The following RNF133 variants were observed in gnomAD, a reference collection of about 807,000 sequenced individuals.
RNF133 encodes the protein E3 ubiquitin-protein ligase RNF133.
For synonymous variants in RNF133, 153 were observed against 152.1 expected, an observed-to-expected ratio of 1.01 and a Z score of -0.04; for missense variants, 469 against 450.5, an observed-to-expected ratio of 1.04 and a Z score of -0.37.
Position 122,698,553 on chromosome 7 carries a change from C to T in RNF133, c.366G>A (p.Lys122=). 6.2e-7 allele frequency: 1 copy of T among 1,614,074 alleles called. No individual in the cohort carries two copies. The highest frequency in any genetic ancestry group is 8.5e-7 in the Non-Finnish European group (1 of 1,179,944). ...TATAGATGATCACTCCACTGGCTCCCTTCTCAGTTGCCACTTTAATTTTCT... is the reference window on the plus strand; with the variant it reads ...TATAGATGATCACTCCACTGGCTCCTTTCTCAGTTGCCACTTTAATTTTCT... The part of the protein sequence containing the change: ...FTQKIKVATE[K]GASGVIIYNV... The change falls in exon 1 of 1, where the codon AAG becomes AAA. Residue 122 remains lysine, a synonymous_variant. Coordinates refer to ENST00000340112, the MANE Select transcript of RNF133 (RefSeq NM_139175.2).
In RNF133 at chr7:122,698,582, T is replaced by G. The variant is rs1564096297; in HGVS notation, c.337A>C (p.Thr113Pro). The G allele has an allele frequency of 2.5e-6, 4 of 1,613,986 alleles. No individual in the cohort carries two copies. The highest frequency in any genetic ancestry group is 3.4e-6 in the Non-Finnish European group (4 of 1,179,960). Residue 113 changes from threonine (T) to proline (P), a missense_variant, in exon 1 of 1, where the codon ACA becomes CCA. By Grantham distance (38) the Thr-to-Pro change is conservative. Coordinates refer to ENST00000340112, the MANE Select transcript of RNF133 (RefSeq NM_139175.2). ...ALIERGGCTF[T>P]QKIKVATEKG... ...TCAGTTGCCACTTTAATTTTCTGTG[T>G]GAAGGTACAACCTCCCCGTTCAATA...
At position 122,698,512 on chromosome 7, in the gene RNF133, C is replaced by A; in HGVS notation, c.407G>T (p.Gly136Val). Reference protein sequence around the residue: ...GVIIYNVPGTGNQVFPMFHQA... With the variant: ...GVIIYNVPGTVNQVFPMFHQA... ...ATGAAACATGGGGAACACCTGGTTG[C>A]CAGTACCTGGAACGTTATAGATGAT... The change falls in exon 1 of 1, where the codon GGC (glycine) becomes GTC (valine). Residue 136 changes from glycine (G) to valine (V), a missense_variant. Physicochemically the swap from Gly to Val is moderately radical, Grantham distance 109. Coordinates refer to ENST00000340112, the MANE Select transcript of RNF133 (RefSeq NM_139175.2). 1 of 1,613,980 alleles carries A rather than the reference C, an allele frequency of 6.2e-7. No individual in the cohort carries two copies. Among genetic ancestry groups the A allele is most frequent in the Non-Finnish European group, 8.5e-7 (1 of 1,179,932 alleles).
Position 122,699,074 on chromosome 7 carries a change from G to C in RNF133, c.-156C>G. ...TAAGAAATTCTTAAAGATGGCTTAT[G>C]AGTTTCAGATGTCTTACTAGAGAGA... On this transcript the variant is annotated 5_prime_UTR_variant, in exon 1 of 1. Coordinates refer to ENST00000340112, the MANE Select transcript of RNF133 (RefSeq NM_139175.2). The C allele has an allele frequency of 1.7e-6, 1 of 599,698 alleles. No individual in the cohort carries two copies. Among genetic ancestry groups the C allele is most frequent in the Non-Finnish European group, 2.9e-6 (1 of 340,010 alleles). The allele number at this position is 599,698 out of a possible 1,614,324, so 37.1% of individuals were successfully genotyped here.
rs763955337 is a variant in RNF133 at position 122,697,764 on chromosome 7, T to C, written c.*24A>G. On this transcript the variant is annotated 3_prime_UTR_variant, in exon 1 of 1. Transcript: ENST00000340112. ...GACCTGATTTCACATACAGGTTTAA[T>C]ACACTTCCTCAAAAGTCATGCCATC... The C allele has an allele frequency of 1.5e-5, 23 of 1,536,930 alleles. No individual in the cohort carries two copies. Among genetic ancestry groups the C allele is most frequent in the East Asian group, 4.5e-5 (2 of 44,550 alleles).
rs1333586204 is a variant in RNF133, at chr7:122,698,248, T to C, written c.671A>G (p.Gln224Arg). The C allele has an allele frequency of 1.9e-6, 3 of 1,613,860 alleles. No homozygotes were observed. The East Asian group carries it at 6.7e-5, about 36-fold the overall frequency. ...GTTCTGAAGATCTGTTGTTAATCGC[T>C]GCCATCTCCGGTTCTGAATCCTTGC... ...CLARIQNRRW[Q>R]RLTTDLQNTF... Residue 224 changes from glutamine to arginine, a missense_variant, in exon 1 of 1, where the codon CAG (glutamine) becomes CGG (arginine). Transcript: ENST00000340112.
rs758741137 is a variant in RNF133, at chr7:122,698,160, C to A, written c.759G>T (p.Gly253=). The A allele has an allele frequency of 6.8e-6, 11 of 1,613,758 alleles. No homozygotes were observed. The East Asian group carries it at 2.0e-4, about 29-fold the overall frequency. ...KEGDEEINPN[G]DSCVICFERY... Reference sequence around the variant, plus strand: ...GTTCAAAGCAAATTACGCAGCTATCCCCATTTGGATTTATTTCTTCATCCC... The same window carrying A: ...GTTCAAAGCAAATTACGCAGCTATCACCATTTGGATTTATTTCTTCATCCC... Residue 253 remains glycine (G), a synonymous_variant, in exon 1 of 1, where the codon GGG becomes GGT. Coordinates refer to ENST00000340112, the MANE Select transcript of RNF133 (RefSeq NM_139175.2).
rs775950251 is a variant in RNF133 at position 122,698,831 on chromosome 7, TCTGA to T, written c.84_87del (p.Ser28ArgfsTer14). On this transcript the variant is annotated frameshift_variant, in exon 1 of 1. Transcript: ENST00000340112. LOFTEE classifies it low-confidence loss of function (END_TRUNC). ...CAAACAACACTTGCTCTGCAACAGT[TCTGA>T]CTAACAAGCCAAAGAACACTGAACT... 18 of 1,613,602 alleles carry T rather than the reference TCTGA, an allele frequency of 1.1e-5. No homozygotes were observed. In the South Asian group the frequency reaches 1.2e-4, roughly 11 times the overall value.
In RNF133 at chr7:122,698,906, T is replaced by C. The variant is rs778412885; in HGVS notation, c.13A>G (p.Lys5Glu). The change falls in exon 1 of 1, where the codon AAG (lysine) becomes GAG (glutamate). Residue 5 changes from lysine (K) to glutamate (E), a missense_variant. Physicochemically the swap from Lys to Glu is moderately conservative, Grantham distance 56 (BLOSUM62 1). Transcript: ENST00000340112. Reference protein sequence around the residue: MHLLKVGTWRNNTAS... With the variant: MHLLEVGTWRNNTAS... ...GTGTTGTTTCTCCAAGTGCCAACCT[T>C]GAGTAGATGCATCTCTCTCTTCTCC... 1 of 1,583,696 alleles carries C rather than the reference T, an allele frequency of 6.3e-7. No homozygotes were observed. The highest frequency in any genetic ancestry group is 1.2e-5 in the South Asian group (1 of 84,742).
Position 122,698,568 on chromosome 7 carries a change from T to C in RNF133, c.351A>G (p.Lys117=), listed in dbSNP as rs2085513007. Residue 117 remains lysine, a synonymous_variant, in exon 1 of 1, where the codon AAA becomes AAG. Transcript: ENST00000340112. ...RGGCTFTQKI[K]VATEKGASGV... ...CACTGGCTCCCTTCTCAGTTGCCAC[T>C]TTAATTTTCTGTGTGAAGGTACAAC... 34 of 1,613,978 alleles carry C rather than the reference T, an allele frequency of 2.1e-5. No individual in the cohort carries two copies. The highest frequency in any genetic ancestry group is 2.9e-5 in the Non-Finnish European group (34 of 1,179,984).
Position 122,698,726 on chromosome 7 carries a change from T to C in RNF133, c.193A>G (p.Ser65Gly), listed in dbSNP as rs1418744862. The C allele has an allele frequency of 6.2e-7, 1 of 1,613,542 alleles. No homozygotes were observed. The highest frequency in any genetic ancestry group is 1.3e-5 in the African/African-American group (1 of 75,032). The change falls in exon 1 of 1, where the codon AGC becomes GGC. Residue 65 changes from serine to glycine, a missense_variant. Transcript: ENST00000340112. ...CCTGCCACTCTCTTCAAAGTGGAGC[T>C]TCTTCCAAAGACTCCAGTCTCTCCC... Reference protein sequence around the residue: ...ELGETGVFGRSSTLKRVAGVI... With the variant: ...ELGETGVFGRGSTLKRVAGVI...
chr7:122,698,004 C>T lies in RNF133; in HGVS notation c.915G>A (p.Gly305=). 1 of 1,613,392 alleles carries T rather than the reference C, an allele frequency of 6.2e-7. No individual in the cohort carries two copies. The highest frequency in any genetic ancestry group is 1.1e-5 in the South Asian group (1 of 90,974). ...TTCCATTTTCAACAACCACTTGAAT[C>T]CCCAAAACTTTAAGAATATCACATT... The part of the protein sequence containing the change: ...ICKCDILKVL[G]IQVVVENGTE... The change falls in exon 1 of 1, where the codon GGG becomes GGA. Residue 305 remains glycine, a synonymous_variant. Coordinates refer to ENST00000340112, the MANE Select transcript of RNF133 (RefSeq NM_139175.2).
chr7:122,697,743 T>C lies in RNF133; in HGVS notation c.*45A>G. 7.0e-7 allele frequency: 1 copy of C among 1,434,766 alleles called. No homozygotes were observed. Among genetic ancestry groups the C allele is most frequent in the East Asian group, 2.3e-5 (1 of 43,658 alleles). 88.9% of individuals were successfully genotyped at this position (1,434,766 alleles called of 1,614,324 possible). A position where few individuals can be genotyped will look rare whatever the true frequency, so the allele number is the denominator to read the frequency against. ...CAAACTGCTTGTCAGTATTAGGACCTGATTTCACATACAGGTTTAATACAC... is the reference window on the plus strand; with the variant it reads ...CAAACTGCTTGTCAGTATTAGGACCCGATTTCACATACAGGTTTAATACAC... On this transcript the variant is annotated 3_prime_UTR_variant, in exon 1 of 1. Coordinates refer to ENST00000340112, the MANE Select transcript of RNF133 (RefSeq NM_139175.2).
Position 122,698,538 on chromosome 7 carries a change from C to T in RNF133, c.381G>A (p.Val127=), listed in dbSNP as rs1165464922. The change falls in exon 1 of 1, where the codon GTG becomes GTA. Residue 127 remains valine (V), a synonymous_variant. Coordinates refer to ENST00000340112, the MANE Select transcript of RNF133 (RefSeq NM_139175.2). ...CAGTACCTGGAACGTTATAGATGAT[C>T]ACTCCACTGGCTCCCTTCTCAGTTG... is the stretch of plus-strand genomic sequence containing the variant. ...KVATEKGASG[V]IIYNVPGTGN... is the part of the protein sequence containing the mutation. 4 of 1,613,932 alleles carry T rather than the reference C, an allele frequency of 2.5e-6. No individual in the cohort carries two copies. The African/African-American group carries it at 5.3e-5, about 22-fold the overall frequency.
At position 122,699,010 on chromosome 7, in the gene RNF133, G is replaced by A. The variant is rs1588514936; in HGVS notation, c.-92C>T. On this transcript the variant is annotated 5_prime_UTR_variant, in exon 1 of 1. Transcript: ENST00000340112. ...AATAACGAAGAGAAAAAAATCTTCA[G>A]GATACAAACAAGATCCACTGTCTTC... is the stretch of plus-strand genomic sequence containing the variant. The A allele has an allele frequency of 1.1e-6, 1 of 915,480 alleles. No homozygotes were observed. Among genetic ancestry groups the A allele is most frequent in the East Asian group, 2.6e-5 (1 of 38,736 alleles). 56.7% of individuals were successfully genotyped at this position (915,480 alleles called of 1,614,324 possible).
Position 122,698,481 on chromosome 7 carries a change from T to C in RNF133, c.438A>G (p.Ala146=), listed in dbSNP as rs377007290. ...GNQVFPMFHQ[A]FEDVVVVMIG... The stretch of plus-strand genomic sequence containing the variant: ...TCATAACCACAACGACATCTTCAAA[T>C]GCCTGATGAAACATGGGGAACACCT... Residue 146 remains alanine, a synonymous_variant, in exon 1 of 1, where the codon GCA becomes GCG. Coordinates refer to ENST00000340112, the MANE Select transcript of RNF133 (RefSeq NM_139175.2). The C allele has an allele frequency of 7.4e-6, 12 of 1,613,796 alleles. No individual in the cohort carries two copies. The highest frequency in any genetic ancestry group is 3.3e-5 in the South Asian group (3 of 91,084).
Position 122,698,193 on chromosome 7 carries a change from T to G in RNF133, c.726A>C (p.Val242=). Reference sequence around the variant, plus strand: ...GATTTATTTCTTCATCCCCCTCTTTTACTACTCGAAGTTGGAGTTGTCCAA... The same window carrying G: ...GATTTATTTCTTCATCCCCCTCTTTGACTACTCGAAGTTGGAGTTGTCCAA... The part of the protein sequence containing the change: ...NTFGQLQLRV[V]KEGDEEINPN... The change falls in exon 1 of 1, where the codon GTA becomes GTC. Residue 242 remains valine, a synonymous_variant. Transcript: ENST00000340112. 1.2e-6 allele frequency: 2 copies of G among 1,613,972 alleles called. No homozygotes were observed. The highest frequency in any genetic ancestry group is 1.7e-6 in the Non-Finnish European group (2 of 1,179,920).
In RNF133 at chr7:122,697,853, G is replaced by A. The variant is rs921440736; in HGVS notation, c.1066C>T (p.Pro356Ser). The change falls in exon 1 of 1, where the codon CCT (proline) becomes TCT (serine). Residue 356 changes from proline (P) to serine (S), a missense_variant. Physicochemically the swap from Pro to Ser is moderately conservative, Grantham distance 74. Coordinates refer to ENST00000340112, the MANE Select transcript of RNF133 (RefSeq NM_139175.2). ...SDKVIHVEEN[P>S]TSQNNDIQPH... is the part of the protein sequence containing the mutation. ...TGGATGTCATTATTCTGAGAAGTAG[G>A]GTTCTCCTCCACATGGATTACTTTA... 1 of 1,611,644 alleles carries A rather than the reference G, an allele frequency of 6.2e-7. No individual in the cohort carries two copies. Among genetic ancestry groups the A allele is most frequent in the Admixed American group, 1.7e-5 (1 of 59,738 alleles).
In RNF133 at chr7:122,698,304, G is replaced by A; in HGVS notation, c.615C>T (p.Phe205=). The A allele has an allele frequency of 6.2e-7, 1 of 1,614,032 alleles. No individual in the cohort carries two copies. Among genetic ancestry groups the A allele is most frequent in the Non-Finnish European group, 8.5e-7 (1 of 1,179,928 alleles). ...VIVTTATLAY[F]IFYHIHRLCL... is the part of the protein sequence containing the mutation. ...AAAGTCTATGAATGTGATAAAAGAT[G>A]AAATATGCTAAGGTAGCAGTTGTGA... is the stretch of plus-strand genomic sequence containing the variant. The change falls in exon 1 of 1, where the codon TTC becomes TTT. Residue 205 remains phenylalanine, a synonymous_variant. Transcript: ENST00000340112.
Position 122,698,410 on chromosome 7 carries a change from C to T in RNF133, c.509G>A (p.Gly170Glu). Residue 170 changes from glycine (G) to glutamate (E), a missense_variant, in exon 1 of 1, where the codon GGA becomes GAA. Transcript: ENST00000340112. ...GTEIFHLIKK[G>E]VLITAVVEVG... ...CTCAACCACGGCTGTAATGAGAACT[C>T]CCTTCTTAATTAAATGGAAAATTTC... The T allele has an allele frequency of 2.5e-6, 4 of 1,613,966 alleles. No individual in the cohort carries two copies. The highest frequency in any genetic ancestry group is 1.7e-5 in the Admixed American group (1 of 60,010).
Sources: allele counts gnomAD v4.1 joint callset, GRCh38; gene constraint gnomAD v4.1.1; transcripts MANE v1.5; gene names NCBI Gene and HGNC (gene_info 2026-07-23, HGNC 2026-07-21).